The following ASIC4 variants were observed in gnomAD, a reference collection of about 807,000 sequenced individuals.
ASIC4 encodes the protein acid sensing ion channel subunit family member 4, also known as acid-sensing ion channel 4.
Under a neutral mutation model 53.4 loss-of-function variants are expected in ASIC4, and 28 were observed. That is an observed-to-expected ratio of 0.52 (90% CI 0.39 to 0.72). ASIC4 has a LOEUF of 0.72. ASIC4 is among the 30% of genes least tolerant of loss of function. The pLI is 0.00. For missense variants in ASIC4, 649 were observed against 729.7 expected (o/e 0.89, Z 1.27); for synonymous variants, 289 against 301.4 (o/e 0.96, Z 0.43).
upstream of ASIC4, chr2:219,514,265 G>C (rs1018868210): frequency 5.0e-5 from 72 of 1,453,650 alleles, no homozygotes; most frequent in Non-Finnish European, 6.2e-5. Context: ...CCCCTGGCCT[G>C]GCTCCTGACG....
chr2:219,531,830 G>A lies in ASIC4; in HGVS notation c.655G>A (p.Gly219Ser), dbSNP rs547428677. ...PRSSLPSRAGGMGSGLEIMLD... is the reference protein window; with the variant it reads ...PRSSLPSRAGSMGSGLEIMLD... ...GAGCTCGCTGCCCAGCCGGGCAGGG[G>A]GCATGGGCAGTGGCCTGGAGATCAT... Residue 219 changes from glycine (G) to serine (S), a missense_variant, in exon 2 of 10, where the codon GGC (glycine) becomes AGC (serine). Physicochemically the swap from Gly to Ser is moderately conservative, Grantham distance 56 (BLOSUM62 0). Coordinates refer to ENST00000358078, the MANE Select transcript of ASIC4 (RefSeq NM_018674.6). 10 of 1,613,822 alleles carry A rather than the reference G, an allele frequency of 6.2e-6. 1 individual carries two copies. The South Asian group carries it at 9.9e-5, about 16-fold the overall frequency.
At position 219,537,996 on chromosome 2, in the gene ASIC4, C is replaced by T. The variant is rs929900848; in HGVS notation, c.1570C>T (p.His524Tyr). Reference sequence around the variant, plus strand: ...GGTCAGCAGTCTGCTCCCCAATCACCACCACCCCCACGGTCCCCCAGGAGG... The same window carrying T: ...GGTCAGCAGTCTGCTCCCCAATCACTACCACCCCCACGGTCCCCCAGGAGG... The part of the protein sequence containing the change: ...GGVSSLLPNH[H>Y]HPHGPPGGLF... The change falls in exon 10 of 10, where the codon CAC becomes TAC. Residue 524 changes from histidine to tyrosine, a missense_variant. Physicochemically the swap from His to Tyr is moderately conservative, Grantham distance 83. Coordinates refer to ENST00000358078, the MANE Select transcript of ASIC4 (RefSeq NM_018674.6). This position sits in a 1 kb window ranked among gnomAD's most constrained non-coding sequence, Gnocchi z 4.9. 23 of 1,613,280 alleles carry T rather than the reference C, an allele frequency of 1.4e-5. No individual in the cohort carries two copies. Among genetic ancestry groups the T allele is most frequent in the Non-Finnish European group, 1.9e-5 (22 of 1,179,718 alleles).
chr2:219,526,711 A>G (rs1416099187), intron 1 of ASIC4, among the ~76,000 whole-genome samples: 1 of 152,058 alleles, frequency 6.6e-6, no homozygotes, highest in Non-Finnish European at 1.5e-5. Flanking sequence ...TGATCAGAGA[A>G]GGACAGGCAG....
chr2:219,528,595 G>A (rs13024394), intron 1 of ASIC4, among the ~76,000 whole-genome samples: 46,877 of 150,244 alleles, frequency 0.31, 8,516 homozygotes, highest in African/African-American at 0.52. Context: ...GCTGGAGTGC[G>A]GTGGTGTGAT....
intron 6 of ASIC4, among the ~76,000 whole-genome samples, chr2:219,535,837 A>T (rs752367242): frequency 2.4e-4 from 36 of 150,706 alleles, no homozygotes; most frequent in Non-Finnish European, 4.3e-4. Flanking sequence ...CAGTGGCACA[A>T]TCTTGGCTCA....
chr2:219,511,828 C>T (rs986265237), upstream of ASIC4, among the ~76,000 whole-genome samples: 5 of 151,724 alleles, frequency 3.3e-5, no homozygotes, highest in Admixed American at 2.0e-4. This position sits in a 1 kb window ranked among gnomAD's most constrained non-coding sequence, Gnocchi z 5.3. Context: ...GGGAAGCAGC[C>T]GGGAGGCTAA....
the ASIC4 span, among the ~76,000 whole-genome samples, chr2:219,508,318 A>G: frequency 3.0e-4 from 46 of 152,144 alleles, no homozygotes; most frequent in Non-Finnish European, 6.2e-4. Flanking sequence ...AAATATGATA[A>G]TTTAATTATT....
chr2:219,538,095 A>G lies in ASIC4; in HGVS notation c.*49A>G. 2.1e-6 allele frequency: 3 copies of G among 1,449,434 alleles called. No homozygotes were observed. Among genetic ancestry groups the G allele is most frequent in the Non-Finnish European group, 2.9e-6 (3 of 1,046,106 alleles). The allele number at this position is 1,449,434 out of a possible 1,614,324, so 89.8% of individuals were successfully genotyped here. ...CCAGGAGTCTGGGACCCCTCCTGGG[A>G]TCCCCAGCACATTCTCCTGCTCCTG... On this transcript the variant is annotated 3_prime_UTR_variant, in exon 10 of 10. Transcript: ENST00000358078.
At chr2:219,535,117 C>A (rs1695106295) in intron 5 of ASIC4, 54 bp from the exon 6 acceptor site, 3 of 1,567,910 alleles carry the variant, frequency 1.9e-6, no homozygotes. Flanking sequence ...AGCTGGTGGG[C>A]CACTGGACCA....
At chr2:219,535,122 G>A (rs1473819752) in intron 5 of ASIC4, 49 bp from the exon 6 acceptor site, 1 of 1,578,950 alleles carries the variant, frequency 6.3e-7, no homozygotes, top group South Asian at 1.2e-5. Flanking sequence ...GTGGGCCACT[G>A]GACCACCCTT....
intron 1 of ASIC4, among the ~76,000 whole-genome samples, chr2:219,526,311 C>T (rs1173715565): frequency 6.6e-6 from 1 of 151,934 alleles, no homozygotes; most frequent in Non-Finnish European, 1.5e-5. Flanking sequence ...AGGTGGAGGG[C>T]ACCTGGAGAG....
chr2:219,535,045 C>T (rs1695105195), intron 5 of ASIC4, 126 bp from the exon 6 acceptor site: 2 of 1,379,696 alleles, frequency 1.4e-6, no homozygotes, highest in Non-Finnish European at 2.0e-6. Flanking sequence ...CTGGGGCTGG[C>T]CAGTAAAGGC....
chr2:219,514,858 T>G lies in ASIC4; in HGVS notation c.134T>G (p.Phe45Cys). 1.2e-6 allele frequency: 2 copies of G among 1,612,814 alleles called. No homozygotes were observed. Among genetic ancestry groups the G allele is most frequent in the Non-Finnish European group, 1.7e-6 (2 of 1,179,896 alleles). The part of the protein sequence containing the change: ...PGAAPRDLAT[F>C]ASTSTLHGLG... ...GCAGCCCCCCGAGACCTGGCCACCT[T>G]TGCCAGCACCAGCACCCTGCATGGA... The change falls in exon 1 of 10, where the codon TTT becomes TGT. Residue 45 changes from phenylalanine to cysteine, a missense_variant. Physicochemically the swap from Phe to Cys is radical, Grantham distance 205 (BLOSUM62 -2). Coordinates refer to ENST00000358078, the MANE Select transcript of ASIC4 (RefSeq NM_018674.6).
At chr2:219,535,359 AC>A in intron 6 of ASIC4, 35 bp downstream of exon 6, 1 of 1,505,230 alleles carries the variant, frequency 6.6e-7, no homozygotes, top group Non-Finnish European at 8.9e-7. Flanking sequence ...TGGCTGTGTG[AC>A]TCTGTGTGTA....
upstream of ASIC4, chr2:219,514,371 C>A (rs999936803): frequency 3.9e-6 from 6 of 1,545,516 alleles, no homozygotes; most frequent in South Asian, 2.4e-5. Flanking sequence ...TGGGGCTGCG[C>A]GGCGTGGCGG....
chr2:219,535,772 C>CTTTT (rs869106424), intron 6 of ASIC4, among the ~76,000 whole-genome samples: 6 of 128,708 alleles, frequency 4.7e-5, no homozygotes, highest in African/African-American at 1.2e-4. Context: ...TCTTCTCCTT[C>CTTTT]TTTTTTTTTT....
Position 219,518,085 on chromosome 2 carries a change from C to T in ASIC4, c.582+2779C>T, listed in dbSNP as rs547808356. 6.6e-6 allele frequency among the ~76,000 whole-genome samples: 1 copy of T among 152,170 alleles called. No homozygotes were observed. Among genetic ancestry groups the T allele is most frequent in the African/African-American group, 2.4e-5 (1 of 41,436 alleles). ...TAATATCCCTTCATGCACTCCCAATCAGTCAGTCAATCAATCAACATGGAG... is the reference window on the plus strand; with the variant it reads ...TAATATCCCTTCATGCACTCCCAATTAGTCAGTCAATCAATCAACATGGAG... On this transcript the variant is annotated intron_variant, in intron 1 of 9. Coordinates refer to ENST00000358078, the MANE Select transcript of ASIC4 (RefSeq NM_018674.6). The surrounding 1 kb of genome is among the most constrained non-coding windows in gnomAD (Gnocchi z 4.8).
rs1173278782 is a variant in ASIC4, at chr2:219,516,261, C to T, written c.582+955C>T. On this transcript the variant is annotated intron_variant, in intron 1 of 9. Coordinates refer to ENST00000358078, the MANE Select transcript of ASIC4 (RefSeq NM_018674.6). This position sits in a 1 kb window ranked among gnomAD's most constrained non-coding sequence, Gnocchi z 4.9. ...ACAGGGTCCCACTGTGGATGCCATC[C>T]CTTCTCATGACACCCCCACCCCCAT... Among the ~76,000 whole-genome samples, 2 of 152,172 alleles carry T rather than the reference C, an allele frequency of 1.3e-5. No homozygotes were observed. The highest frequency in any genetic ancestry group is 4.8e-5 in the African/African-American group (2 of 41,432).
At chr2:219,535,066 G>A in intron 5 of ASIC4, 105 bp from the exon 6 acceptor site, 1 of 1,477,580 alleles carries the variant, frequency 6.8e-7, no homozygotes, top group Non-Finnish European at 9.1e-7. Flanking sequence ...CCTCAGTGTG[G>A]GTGTGCCTGC....
Sources: gnomAD v4.1 joint callset for allele counts (sites outside exome capture counted in the v4.1 genomes callset) on GRCh38, gnomAD v4.1.1 for gene constraint, Gnocchi (gnomAD v3.1) non-coding constraint, MANE v1.5 for transcripts, NCBI Gene and HGNC (gene_info 2026-07-23, HGNC 2026-07-21) for gene names.